Variants in EBF1 observed in about 807,000 individuals in gnomAD.
The protein encoded by EBF1 is transcription factor COE1.
Under a neutral mutation model 68.4 loss-of-function variants are expected in EBF1, and 10 were observed. The ratio of observed to expected loss-of-function variants is 0.15; its 90% CI spans 0.09 to 0.25. The LOEUF (loss-of-function observed/expected upper bound fraction) is 0.25, where lower values mean the gene tolerates loss of function less well. EBF1 is among the 10% of genes least tolerant of loss of function. The probability of loss-of-function intolerance (pLI) is 1.00; values close to 1 mark genes in which losing one functional copy is unlikely to be tolerated. For synonymous variants in EBF1, 298 were observed against 299.8 expected, an observed-to-expected ratio of 0.99 and a Z score of 0.06; for missense variants, 509 against 794.4, an observed-to-expected ratio of 0.64 and a Z score of 4.32.
chr5:158,757,706 G>C (rs1027640119), intron 10 of EBF1, among the ~76,000 whole-genome samples: 3 of 152,118 alleles, frequency 2.0e-5, no homozygotes, highest in Non-Finnish European at 2.9e-5. Context: ...ACACCTCTTT[G>C]ACTCAGTTTC....
chr5:159,077,908 T>C (rs1181292041), intron 5 of EBF1, among the ~76,000 whole-genome samples: 1 of 151,764 alleles, frequency 6.6e-6, no homozygotes, highest in Non-Finnish European at 1.5e-5. Context: ...CCGGCTAATT[T>C]TGTGTATTTT....
Position 158,973,009 on chromosome 5 carries a change from C to G in EBF1, c.554+100387G>C, listed in dbSNP as rs1415790081. Among the ~76,000 whole-genome samples, 4 of 152,222 alleles carry G rather than the reference C, an allele frequency of 2.6e-5. No homozygotes were observed. In the East Asian group the frequency reaches 5.8e-4, roughly 22 times the overall value. ...CTAGTTACTGTATTTAAAATGACAACTTCAGCCCCTCCCCAAATATTTCTT... is the reference window on the plus strand; with the variant it reads ...CTAGTTACTGTATTTAAAATGACAAGTTCAGCCCCTCCCCAAATATTTCTT... On this transcript the variant is annotated intron_variant, in intron 6 of 15. Transcript: ENST00000313708.
intron 6 of EBF1, among the ~76,000 whole-genome samples, chr5:159,029,474 T>C (rs545331220): frequency 6.6e-6 from 1 of 152,322 alleles, no homozygotes; most frequent in East Asian, 1.9e-4. Context: ...TCAAGATTTC[T>C]GACAGCAAAG....
intron 4 of EBF1, among the ~76,000 whole-genome samples, chr5:159,085,591 G>A (rs1344468382): frequency 6.6e-6 from 1 of 152,182 alleles, no homozygotes; most frequent in Non-Finnish European, 1.5e-5. Context: ...TATTAGCAGA[G>A]CAGGGCTCTG....
intron 4 of EBF1, among the ~76,000 whole-genome samples, chr5:159,093,906 G>A (rs1782076570): frequency 1.3e-5 from 2 of 151,378 alleles, no homozygotes; most frequent in African/African-American, 4.8e-5. Flanking sequence ...GTACTGATTT[G>A]TGTATGTGTG....
At chr5:159,064,368 GA>G (rs938262215) in intron 6 of EBF1, among the ~76,000 whole-genome samples, 13 of 152,048 alleles carry the variant, frequency 8.5e-5, no homozygotes, top group African/African-American at 2.9e-4. Context: ...TGAGAAAAGG[GA>G]AAAAAATCAG....
rs1776672904 is a variant in EBF1, at chr5:158,782,711, C to T, written c.910-5172G>A. On this transcript the variant is annotated intron_variant, in intron 9 of 15. Coordinates refer to ENST00000313708, the MANE Select transcript of EBF1 (RefSeq NM_024007.5). ...AAAAAACAAATTAAGTAGTTAATGA[C>T]TTACATACAAGATATTTTCAAAATA... 3.3e-5 allele frequency among the ~76,000 whole-genome samples: 5 copies of T among 151,968 alleles called. No individual in the cohort carries two copies. The South Asian group carries it at 1.0e-3, about 32-fold the overall frequency.
chr5:158,709,763 G>T (rs1471061723), intron 14 of EBF1, among the ~76,000 whole-genome samples: 2 of 152,132 alleles, frequency 1.3e-5, no homozygotes, highest in Non-Finnish European at 2.9e-5. Context: ...CATCTCTTAG[G>T]ATTTGTAACT....
chr5:158,760,264 C>A (rs927842780), intron 10 of EBF1, among the ~76,000 whole-genome samples: 3 of 152,118 alleles, frequency 2.0e-5, no homozygotes. Context: ...TAAAACAATG[C>A]CCCATTAAAG....
intron 15 of EBF1, among the ~76,000 whole-genome samples, chr5:158,702,104 C>G (rs781474971): frequency 3.3e-5 from 5 of 152,148 alleles, no homozygotes; most frequent in Admixed American, 6.5e-5. Flanking sequence ...AGGGCAGAAC[C>G]CTTGCGGTTG....
intron 6 of EBF1, among the ~76,000 whole-genome samples, chr5:158,989,407 ACAAACCTC>A (rs1388955077): frequency 6.6e-6 from 1 of 152,196 alleles, no homozygotes; most frequent in Admixed American, 6.5e-5. Flanking sequence ...GAGAGCAAAC[ACAAACCTC>A]TTCATGTCAA....
chr5:158,793,132 C>T (rs1778976797), intron 9 of EBF1, among the ~76,000 whole-genome samples: 1 of 152,204 alleles, frequency 6.6e-6, no homozygotes, highest in Non-Finnish European at 1.5e-5. Context: ...GCTTCAATTT[C>T]CTCATCAGTA....
At chr5:158,866,804 T>C (rs1795944492) in intron 6 of EBF1, among the ~76,000 whole-genome samples, 1 of 139,230 alleles carries the variant, frequency 7.2e-6, no homozygotes, top group South Asian at 2.2e-4. Context: ...CACTGGGGAC[T>C]CCAGTAATAT....
intron 8 of EBF1, among the ~76,000 whole-genome samples, chr5:158,808,358 T>C (rs886535806): frequency 2.6e-5 from 4 of 152,132 alleles, no homozygotes; most frequent in Non-Finnish European, 5.9e-5. Flanking sequence ...CAAAGTCCAG[T>C]CTACCTATCA....
At chr5:159,037,935 A>C (rs1770408737) in intron 6 of EBF1, among the ~76,000 whole-genome samples, 3 of 152,094 alleles carry the variant, frequency 2.0e-5, no homozygotes, top group African/African-American at 7.2e-5. Context: ...ACTGGGGTTC[A>C]AGTCAATTTG....
At chr5:158,860,413 T>C (rs1794765576) in intron 6 of EBF1, among the ~76,000 whole-genome samples, 1 of 152,174 alleles carries the variant, frequency 6.6e-6, no homozygotes, top group East Asian at 1.9e-4. Context: ...GGTATTCACA[T>C]ATGTGTGAAG....
intron 10 of EBF1, among the ~76,000 whole-genome samples, chr5:158,756,512 T>C (rs895489610): frequency 2.6e-5 from 4 of 152,136 alleles, no homozygotes; most frequent in African/African-American, 9.7e-5. Flanking sequence ...AATCCATTCC[T>C]GATTAAAAAT....
chr5:158,814,861 T>C (rs1783407023), intron 8 of EBF1, among the ~76,000 whole-genome samples: 1 of 152,148 alleles, frequency 6.6e-6, no homozygotes, highest in African/African-American at 2.4e-5. Context: ...AAAATTCAAC[T>C]AGCAGAATGT....
intron 6 of EBF1, among the ~76,000 whole-genome samples, chr5:158,919,296 T>C (rs1296929586): frequency 6.6e-6 from 1 of 151,972 alleles, no homozygotes; most frequent in Non-Finnish European, 1.5e-5. Context: ...GGGAACATGG[T>C]ACTCATGTTG....
Sources: allele counts gnomAD v4.1 joint callset (sites outside exome capture counted in the v4.1 genomes callset), GRCh38; gene constraint gnomAD v4.1.1; transcripts MANE v1.5; gene names NCBI Gene and HGNC (gene_info 2026-07-23, HGNC 2026-07-21).